ANO3: variants seen among roughly 807,000 people sequenced by gnomAD.
ANO3 encodes anoctamin 3.
In ANO3, 99 loss-of-function variants were observed where a neutral mutation model predicts 144.8. The observed-to-expected ratio is 0.68, with a 90% confidence interval of 0.58 to 0.81. The LOEUF (loss-of-function observed/expected upper bound fraction) is 0.81, where lower values mean the gene tolerates loss of function less well. Among genes scored for constraint, ANO3 ranks in the 30% least tolerant of loss-of-function variants. ANO3 has a pLI of 0.00. For missense variants in ANO3, 905 were observed against 1,202.2 expected (o/e 0.75, Z 3.66); for synonymous variants, 414 against 392.6 (o/e 1.05, Z -0.64).
At chr11:26,313,538 T>A (rs1400734732) in intron 1 of ANO3, among the ~76,000 whole-genome samples, 1 of 151,802 alleles carries the variant, frequency 6.6e-6, no homozygotes. Flanking sequence ...TACAAAAAAA[T>A]TAGCTGGGCG....
intron 1 of ANO3, among the ~76,000 whole-genome samples, chr11:26,326,579 C>T (rs1854888524): frequency 6.6e-6 from 1 of 152,092 alleles, no homozygotes; most frequent in African/African-American, 2.4e-5. Context: ...ACTCTTATAA[C>T]CGGCCTGGTC....
chr11:26,486,889 A>G (rs1860472682), intron 4 of ANO3, among the ~76,000 whole-genome samples: 1 of 152,160 alleles, frequency 6.6e-6, no homozygotes, highest in South Asian at 2.1e-4. Flanking sequence ...AGGCTTTTAG[A>G]GGAAGAAAGG....
At chr11:26,497,578 A>G (rs1861017119) in intron 4 of ANO3, among the ~76,000 whole-genome samples, 1 of 152,068 alleles carries the variant, frequency 6.6e-6, no homozygotes, top group Non-Finnish European at 1.5e-5. Flanking sequence ...ATAGAAATGC[A>G]CTAGTATCTT....
At chr11:26,328,668 A>T (rs989399007), upstream of ANO3, among the ~76,000 whole-genome samples, 6 of 152,160 alleles carry the variant, frequency 3.9e-5, no homozygotes, top group Non-Finnish European at 7.3e-5. Flanking sequence ...GGAGGACAGG[A>T]GACAGGTTGT....
intron 1 of ANO3, among the ~76,000 whole-genome samples, chr11:26,355,128 C>A (rs1855745759): frequency 6.6e-6 from 1 of 151,596 alleles, no homozygotes; most frequent in Non-Finnish European, 1.5e-5. Flanking sequence ...ACTTCACTGT[C>A]TGATTTTCTT....
intron 1 of ANO3, among the ~76,000 whole-genome samples, chr11:26,341,815 T>G (rs966917621): frequency 6.6e-6 from 1 of 151,750 alleles, no homozygotes; most frequent in Non-Finnish European, 1.5e-5. Flanking sequence ...AGTCCAAGAG[T>G]CCAAAGCTGA....
intron 1 of ANO3, among the ~76,000 whole-genome samples, chr11:26,340,770 A>G (rs1273914637): frequency 1.3e-5 from 2 of 152,258 alleles, no homozygotes; most frequent in Non-Finnish European, 2.9e-5. Flanking sequence ...TACAATGGAA[A>G]TGTAACTTTA....
chr11:26,319,595 C>T (rs1220833093), intron 1 of ANO3, among the ~76,000 whole-genome samples: 1 of 152,160 alleles, frequency 6.6e-6, no homozygotes, highest in Non-Finnish European at 1.5e-5. Context: ...TATTGGTTAA[C>T]ATTGTCTCTA....
At chr11:26,649,949 T>A (rs1468419171) in intron 24 of ANO3, among the ~76,000 whole-genome samples, 1 of 152,176 alleles carries the variant, frequency 6.6e-6, no homozygotes, top group Non-Finnish European at 1.5e-5. Flanking sequence ...ATAGCATTAT[T>A]TGCCAGTGTC....
At chr11:26,518,872 A>G (rs1291081178) in intron 6 of ANO3, among the ~76,000 whole-genome samples, 1 of 152,052 alleles carries the variant, frequency 6.6e-6, no homozygotes. Context: ...ATGAAAAAGG[A>G]TTGCTTCTGA....
intron 14 of ANO3, among the ~76,000 whole-genome samples, chr11:26,567,690 GA>G (rs1268313178): frequency 1.3e-5 from 2 of 151,752 alleles, no homozygotes; most frequent in African/African-American, 4.8e-5. Context: ...TATCACTTAA[GA>G]AAAATCTACT....
At chr11:26,391,936 T>G (rs960507781) in intron 1 of ANO3, among the ~76,000 whole-genome samples, 8 of 152,102 alleles carry the variant, frequency 5.3e-5, no homozygotes, top group African/African-American at 1.9e-4. Flanking sequence ...ACCATTTTGA[T>G]GTCTCAGTCA....
chr11:26,539,021 C>T (rs1276417242), intron 10 of ANO3, among the ~76,000 whole-genome samples: 2 of 151,692 alleles, frequency 1.3e-5, no homozygotes, highest in African/African-American at 2.4e-5. Context: ...TTATTTTTAC[C>T]AGTGGTCGAG....
intron 1 of ANO3, among the ~76,000 whole-genome samples, chr11:26,267,913 T>C (rs1207403743): frequency 1.3e-5 from 2 of 152,148 alleles, no homozygotes; most frequent in African/African-American, 2.4e-5. Context: ...TGTTGAATCA[T>C]ATGCTAAAAT....
chr11:26,485,549 T>G (rs900360385), intron 4 of ANO3, among the ~76,000 whole-genome samples: 1 of 152,162 alleles, frequency 6.6e-6, no homozygotes, highest in Non-Finnish European at 1.5e-5. Context: ...CTTTATGAAG[T>G]ACCCAGTCTC....
At chr11:26,221,643 A>G (rs1349699352) in intron 1 of ANO3, among the ~76,000 whole-genome samples, 1 of 152,206 alleles carries the variant, frequency 6.6e-6, no homozygotes, top group African/African-American at 2.4e-5. Flanking sequence ...TGCAGGCTGT[A>G]CAAGAAGTAT....
chr11:26,600,717 A>G (rs1851779647), intron 17 of ANO3, among the ~76,000 whole-genome samples: 1 of 148,038 alleles, frequency 6.8e-6, no homozygotes, highest in African/African-American at 2.5e-5. Flanking sequence ...TATCAGGAAG[A>G]TAACTGTTTT....
At chr11:26,341,417 C>T (rs1855356130) in intron 1 of ANO3, among the ~76,000 whole-genome samples, 1 of 152,014 alleles carries the variant, frequency 6.6e-6, no homozygotes, top group Admixed American at 6.6e-5. Context: ...TAATCATGGG[C>T]AAGGTAATTA....
At chr11:26,266,650 G>A (rs1853315063) in intron 1 of ANO3, among the ~76,000 whole-genome samples, 1 of 151,622 alleles carries the variant, frequency 6.6e-6, no homozygotes, top group African/African-American at 2.4e-5. Context: ...GACCAGGCTA[G>A]TCTCGAACTC....
Sources: gnomAD v4.1 joint callset for allele counts (sites outside exome capture counted in the v4.1 genomes callset) on GRCh38, gnomAD v4.1.1 for gene constraint, MANE v1.5 for transcripts, NCBI Gene and HGNC (gene_info 2026-07-23, HGNC 2026-07-21) for gene names.